MYBPC1: variants seen among roughly 807,000 people sequenced by gnomAD.
The protein encoded by MYBPC1 is myosin binding protein C1.
A neutral mutation model predicts 147.1 loss-of-function variants in MYBPC1; 52 were observed. The observed-to-expected ratio is 0.35, with a 90% CI of 0.28 to 0.45. MYBPC1 has a LOEUF of 0.45. Ranked by LOEUF, MYBPC1 falls within the 20% of genes least tolerant of loss-of-function variation. MYBPC1 has a pLI of 1.00. For synonymous variants in MYBPC1, 477 were observed against 475.9 expected (o/e 1.00, Z -0.03); for missense variants, 1,228 against 1,440.3 (o/e 0.85, Z 2.39).
In MYBPC1 at chr12:101,651,224, T is replaced by C; in HGVS notation, c.1364-7T>C. The stretch of plus-strand genomic sequence containing the variant: ...TTGGCATTTGTGATGGTCTATCATT[T>C]CTACAGTGAAACCTCTGAAGATTTT... On this transcript the variant is annotated splice_region_variant and splice_polypyrimidine_tract_variant and intron_variant, in intron 15 of 31. Transcript: ENST00000361466. 3 of 1,614,120 alleles carry C rather than the reference T, an allele frequency of 1.9e-6. No individual in the cohort carries two copies. Among genetic ancestry groups the C allele is most frequent in the Non-Finnish European group, 1.7e-6 (2 of 1,179,956 alleles).
At chr12:101,606,203 A>AACAC (rs113061042) in intron 1 of MYBPC1, among the ~76,000 whole-genome samples, 31,221 of 145,740 alleles carry the variant, frequency 0.21, 3,888 homozygotes, top group African/African-American at 0.36. Flanking sequence ...TCAAAAAAGA[A>AACAC]ACACACACAC....
chr12:101,690,897 G>A (rs534514787), downstream of MYBPC1, among the ~76,000 whole-genome samples: 55 of 152,196 alleles, frequency 3.6e-4, no homozygotes, highest in African/African-American at 1.2e-3. Context: ...CTCAAAGTAC[G>A]AAACTATAAA....
At chr12:101,668,258 A>C (rs1897868880) in intron 23 of MYBPC1, among the ~76,000 whole-genome samples, 1 of 152,012 alleles carries the variant, frequency 6.6e-6, no homozygotes, top group African/African-American at 2.4e-5. Context: ...GGTCAGAACT[A>C]TTTTCATAAT....
At chr12:101,686,199 T>A (rs999490542), downstream of MYBPC1, among the ~76,000 whole-genome samples, 13 of 152,300 alleles carry the variant, frequency 8.5e-5, no homozygotes, top group Non-Finnish European at 1.6e-4. Context: ...ACAAATTTTC[T>A]CAGTAGAAGG....
At chr12:101,653,357 T>G in intron 18 of MYBPC1, 109 bp downstream of exon 18, 1 of 1,384,436 alleles carries the variant, frequency 7.2e-7, no homozygotes, top group South Asian at 1.2e-5. Context: ...AACAAATAAA[T>G]GTACAGCAGT....
chr12:101,631,863 C>G, intron 7 of MYBPC1, 144 bp downstream of exon 7: 1 of 1,370,640 alleles, frequency 7.3e-7, no homozygotes, highest in South Asian at 1.2e-5. Context: ...CACTCTATTG[C>G]GATTGCCCGG....
intron 2 of MYBPC1, among the ~76,000 whole-genome samples, chr12:101,615,673 G>GC (rs567543367): frequency 8.5e-5 from 3 of 35,470 alleles, no homozygotes; most frequent in Non-Finnish European, 2.0e-4. Context: ...CCCCCCCCCC[G>GC]CCCCCCCACA....
chr12:101,631,764 C>A, intron 7 of MYBPC1, 45 bp downstream of exon 7: 1 of 1,612,094 alleles, frequency 6.2e-7, no homozygotes, highest in Non-Finnish European at 8.5e-7. Context: ...TAGCGCATTC[C>A]TTCTATGTGA....
chr12:101,666,707 G>C (rs367798857), intron 22 of MYBPC1: 15 of 1,552,688 alleles, frequency 9.7e-6, no homozygotes, highest in African/African-American at 2.7e-5. Flanking sequence ...TGTGAAAGTG[G>C]GTGTCTTTAA....
At position 101,675,429 on chromosome 12, in the gene MYBPC1, A is replaced by G. The variant is rs1233156104; in HGVS notation, c.2947A>G (p.Met983Val). ...CATTCAGAAGGCTGACAAGAAGAGCATGGTAAGGTCTGGCTTTCTCTGGTT... is the reference window on the plus strand; with the variant it reads ...CATTCAGAAGGCTGACAAGAAGAGCGTGGTAAGGTCTGGCTTTCTCTGGTT... ...YTIQKADKKS[M>V]EWFTVIEHYH... Residue 983 changes from methionine (M) to valine (V), a missense_variant and splice_region_variant, in exon 26 of 32, where the codon ATG becomes GTG. Transcript: ENST00000361466. 4 of 1,614,170 alleles carry G rather than the reference A, an allele frequency of 2.5e-6. No individual in the cohort carries two copies. The highest frequency in any genetic ancestry group is 3.4e-6 in the Non-Finnish European group (4 of 1,179,986).
intron 1 of MYBPC1, among the ~76,000 whole-genome samples, chr12:101,612,184 A>G (rs951744631): frequency 1.1e-4 from 16 of 152,212 alleles, no homozygotes; most frequent in Admixed American, 6.5e-5. Context: ...CAGTTCAATT[A>G]TAGAGCTCTT....
intron 1 of MYBPC1, among the ~76,000 whole-genome samples, chr12:101,602,794 C>T (rs1193307402): frequency 6.6e-6 from 1 of 152,170 alleles, no homozygotes; most frequent in African/African-American, 2.4e-5. Context: ...GATACATCTT[C>T]GCTTTCACCC....
chr12:101,631,116 A>G lies in MYBPC1; in HGVS notation c.290-455A>G, dbSNP rs1440386464. On this transcript the variant is annotated intron_variant, in intron 6 of 31. Coordinates refer to ENST00000361466, the MANE Select transcript of MYBPC1 (RefSeq NM_002465.4). ...ATCAGTTTGATTTAGTCACATTCCT[A>G]TAATTCCAGGCTTCTCATCACCTTG... Among the ~76,000 whole-genome samples the G allele has an allele frequency of 2.0e-5, 3 of 152,296 alleles. No homozygotes were observed. In the East Asian group the frequency reaches 5.8e-4, roughly 29 times the overall value.
At chr12:101,614,213 C>T (rs555887742) in intron 1 of MYBPC1, among the ~76,000 whole-genome samples, 1 of 152,276 alleles carries the variant, frequency 6.6e-6, no homozygotes, top group African/African-American at 2.4e-5. Context: ...CCCATTCTAC[C>T]TTTATCTTTC....
downstream of MYBPC1, among the ~76,000 whole-genome samples, chr12:101,689,856 C>T (rs535187527): frequency 2.0e-4 from 31 of 152,138 alleles, no homozygotes; most frequent in Non-Finnish European, 4.1e-4. Context: ...GCTTACTCAG[C>T]TGACCACCTG....
chr12:101,678,287 T>A, intron 28 of MYBPC1, 49 bp downstream of exon 28: 1 of 1,605,782 alleles, frequency 6.2e-7, no homozygotes, highest in Non-Finnish European at 8.5e-7. Context: ...CTTGTATTTG[T>A]TGTGTTATAA....
chr12:101,625,191 A>T lies in MYBPC1; in HGVS notation c.104-1681A>T, dbSNP rs986020494. 5.8e-4 allele frequency among the ~76,000 whole-genome samples: 77 copies of T among 131,846 alleles called. 1 individual carries two copies. The highest frequency in any genetic ancestry group is 9.8e-4 in the Non-Finnish European group (60 of 61,474). 86.5% of individuals were successfully genotyped at this position (131,846 alleles called of 152,430 possible). ...TGTAACTTATAGTTCCCTTAAAAAA[A>T]AAATAAATAAATAAACCTGGCAGCT... On this transcript the variant is annotated intron_variant, in intron 3 of 31. Coordinates refer to ENST00000361466, the MANE Select transcript of MYBPC1 (RefSeq NM_002465.4).
At chr12:101,597,597 A>T (rs566240343) in intron 1 of MYBPC1, among the ~76,000 whole-genome samples, 1 of 152,326 alleles carries the variant, frequency 6.6e-6, no homozygotes, top group African/African-American at 2.4e-5. Context: ...TCGAAGAGGA[A>T]GTCTAATGGA....
intron 1 of MYBPC1, among the ~76,000 whole-genome samples, chr12:101,601,148 CTG>C (rs1482784134): frequency 6.6e-6 from 1 of 152,186 alleles, no homozygotes; most frequent in African/African-American, 2.4e-5. Flanking sequence ...GAAAGCCAAA[CTG>C]TGAAAAAGAA....
Sources: allele counts gnomAD v4.1 joint callset (sites outside exome capture counted in the v4.1 genomes callset), GRCh38; gene constraint gnomAD v4.1.1; transcripts MANE v1.5; gene names NCBI Gene and HGNC (gene_info 2026-07-23, HGNC 2026-07-21).